RALGPS1: variants seen among roughly 807,000 people sequenced by gnomAD.
The protein encoded by RALGPS1 is ras-specific guanine nucleotide-releasing factor RalGPS1.
In RALGPS1, 19 loss-of-function variants were observed where a neutral mutation model predicts 78.8. The observed-to-expected ratio is 0.24, with a 90% confidence interval of 0.17 to 0.35. RALGPS1 has a LOEUF of 0.35. RALGPS1 is among the 10% of genes least tolerant of loss of function. The pLI is 1.00. For missense variants in RALGPS1, 454 were observed against 688.3 expected (o/e 0.66, Z 3.81); for synonymous variants, 228 against 256.3 (o/e 0.89, Z 1.06).
intron 5 of RALGPS1, among the ~76,000 whole-genome samples, chr9:127,035,984 T>A (rs534042464): frequency 6.6e-6 from 1 of 152,258 alleles, no homozygotes; most frequent in Non-Finnish European, 1.5e-5. Flanking sequence ...GCCAACTCAG[T>A]CCCCACCTCT....
chr9:126,932,715 A>G (rs1019247594), intron 1 of RALGPS1, among the ~76,000 whole-genome samples: 4 of 152,154 alleles, frequency 2.6e-5, no homozygotes, highest in Non-Finnish European at 5.9e-5. Context: ...GTTATAAAAC[A>G]TTTTTATAAA....
chr9:127,196,907 T>TA (rs1554871937), intron 13 of RALGPS1, among the ~76,000 whole-genome samples: 3 of 152,152 alleles, frequency 2.0e-5, no homozygotes, highest in Non-Finnish European at 4.4e-5. Context: ...GCCAAACACA[T>TA]GCCTGAGACC....
At chr9:127,152,849 G>C (rs142989064) in intron 8 of RALGPS1, among the ~76,000 whole-genome samples, 1 of 152,210 alleles carries the variant, frequency 6.6e-6, no homozygotes, top group African/African-American at 2.4e-5. Context: ...TAACTTCATT[G>C]AGGGCCAACA....
intron 6 of RALGPS1, among the ~76,000 whole-genome samples, chr9:127,050,954 GATT>G (rs1024901216): frequency 1.8e-4 from 27 of 152,318 alleles, no homozygotes; most frequent in African/African-American, 6.5e-4. Context: ...GTGCTCACAT[GATT>G]ATTATTCCAT....
intron 8 of RALGPS1, among the ~76,000 whole-genome samples, chr9:127,112,180 G>A (rs2054884903): frequency 6.6e-6 from 1 of 152,252 alleles, no homozygotes; most frequent in Non-Finnish European, 1.5e-5. Flanking sequence ...AGAGAAAGGT[G>A]TGTGGGAGCT....
At chr9:127,158,564 TC>T (rs2139345629) in intron 8 of RALGPS1, among the ~76,000 whole-genome samples, 1 of 152,318 alleles carries the variant, frequency 6.6e-6, no homozygotes, top group East Asian at 1.9e-4. Context: ...ATTGTCCATT[TC>T]ATTGATTTTC....
intron 8 of RALGPS1, among the ~76,000 whole-genome samples, chr9:127,133,562 C>T (rs999904578): frequency 8.5e-5 from 13 of 152,208 alleles, no homozygotes; most frequent in African/African-American, 2.9e-4. Flanking sequence ...CCCACCCTGC[C>T]ACCCACTCAC....
intron 13 of RALGPS1, 54 bp from the exon 14 acceptor site, chr9:127,198,961 C>T: frequency 1.3e-6 from 2 of 1,520,602 alleles, no homozygotes; most frequent in Non-Finnish European, 1.8e-6. Flanking sequence ...CCCAGGAGAA[C>T]AGGCCCCTCT....
chr9:127,172,029 GT>G (rs2059592519), intron 10 of RALGPS1, among the ~76,000 whole-genome samples: 1 of 152,192 alleles, frequency 6.6e-6, no homozygotes, highest in Admixed American at 6.5e-5. Flanking sequence ...AACAGATTCA[GT>G]TTTTACCACC....
chr9:127,027,762 G>A (rs2046081975), intron 4 of RALGPS1, among the ~76,000 whole-genome samples: 1 of 152,204 alleles, frequency 6.6e-6, no homozygotes, highest in Non-Finnish European at 1.5e-5. Flanking sequence ...AGATTGTTGT[G>A]AGTTCTGACT....
At chr9:127,078,057 C>T (rs1465516170) in intron 8 of RALGPS1, among the ~76,000 whole-genome samples, 1 of 152,156 alleles carries the variant, frequency 6.6e-6, no homozygotes, top group Non-Finnish European at 1.5e-5. Context: ...GAACAAATCT[C>T]CCCTTCCCTA....
chr9:127,037,675 AG>A (rs1167998930), intron 5 of RALGPS1, among the ~76,000 whole-genome samples: 2 of 152,246 alleles, frequency 1.3e-5, no homozygotes, highest in African/African-American at 4.8e-5. Context: ...CTGTGGTTGC[AG>A]GATGGCTAGC....
chr9:127,071,033 C>CTA (rs1420796515), intron 8 of RALGPS1, among the ~76,000 whole-genome samples: 40 of 119,784 alleles, frequency 3.3e-4, no homozygotes, highest in African/African-American at 1.1e-3. Flanking sequence ...ATCTCTCTCT[C>CTA]TCTCTCTATA....
chr9:127,033,604 G>A (rs774542835), intron 4 of RALGPS1, among the ~76,000 whole-genome samples: 11 of 152,216 alleles, frequency 7.2e-5, no homozygotes, highest in Non-Finnish European at 1.0e-4. Context: ...TTCAGAATTT[G>A]CAACCTTTGC....
At chr9:127,166,989 A>T (rs2059325439) in intron 9 of RALGPS1, among the ~76,000 whole-genome samples, 1 of 141,790 alleles carries the variant, frequency 7.1e-6, no homozygotes, top group African/African-American at 2.7e-5. Context: ...ACTGATGAGC[A>T]GGCGGTTAGT....
At chr9:127,022,868 A>G (rs758976554) in intron 4 of RALGPS1, among the ~76,000 whole-genome samples, 6 of 152,184 alleles carry the variant, frequency 3.9e-5, no homozygotes, top group Non-Finnish European at 2.9e-5. Flanking sequence ...AGGAGTTATC[A>G]TCTGACTTAT....
intron 4 of RALGPS1, among the ~76,000 whole-genome samples, chr9:126,983,127 G>T (rs945677508): frequency 4.6e-5 from 7 of 151,558 alleles, no homozygotes; most frequent in African/African-American, 1.5e-4. Context: ...AGTAGAGATG[G>T]GGTTTCACCA....
chr9:127,013,206 G>A (rs973875590), intron 4 of RALGPS1, among the ~76,000 whole-genome samples: 18 of 152,176 alleles, frequency 1.2e-4, no homozygotes, highest in African/African-American at 4.3e-4. Flanking sequence ...TTGATCTAAA[G>A]CAAAGGTGAG....
intron 2 of RALGPS1, 26 bp downstream of exon 2, chr9:126,962,372 A>T: frequency 6.2e-7 from 1 of 1,612,760 alleles, no homozygotes; most frequent in Non-Finnish European, 8.5e-7. Context: ...GAATCGGGAC[A>T]GTGGGTAGAG....
Sources: gnomAD v4.1 joint callset for allele counts (sites outside exome capture counted in the v4.1 genomes callset) on GRCh38, gnomAD v4.1.1 for gene constraint, MANE v1.5 for transcripts, NCBI Gene and HGNC (gene_info 2026-07-23, HGNC 2026-07-21) for gene names.